The following PPP1R9A variants were observed in gnomAD, a reference collection of about 807,000 sequenced individuals.
PPP1R9A encodes the protein protein phosphatase 1 regulatory subunit 9A, also known as neurabin-1.
Under a neutral mutation model 141.9 loss-of-function variants are expected in PPP1R9A, and 59 were observed. That is an observed-to-expected ratio of 0.42 (90% CI 0.34 to 0.52). PPP1R9A has a LOEUF of 0.52. Among genes scored for constraint, PPP1R9A ranks in the 20% least tolerant of loss-of-function variants. PPP1R9A has a pLI of 0.10. For missense variants in PPP1R9A, 1,444 were observed against 1,611.9 expected (o/e 0.90, Z 1.78); for synonymous variants, 500 against 569.7 (o/e 0.88, Z 1.74).
In PPP1R9A at chr7:94,951,804, G is replaced by C. The variant is rs2151035048; in HGVS notation, c.1395+40296G>C. On this transcript the variant is annotated intron_variant, in intron 2 of 19. Coordinates refer to ENST00000433360, the MANE Select transcript of PPP1R9A (RefSeq NM_001166160.2). The stretch of plus-strand genomic sequence containing the variant: ...GTAATACTAGATTGGTTTGTTCTTT[G>C]AGTGCTTCATTCAGTTTCCTCTAAG... Among the ~76,000 whole-genome samples the C allele has an allele frequency of 2.0e-5, 3 of 150,634 alleles. No homozygotes were observed. In the East Asian group the frequency reaches 5.9e-4, roughly 30 times the overall value.
rs184253476 is a variant in PPP1R9A at position 94,966,711 on chromosome 7, G to C, written c.1395+55203G>C. Among the ~76,000 whole-genome samples, 16 of 152,280 alleles carry C rather than the reference G, an allele frequency of 1.1e-4. No individual in the cohort carries two copies. The East Asian group carries it at 3.1e-3, about 29-fold the overall frequency. On this transcript the variant is annotated intron_variant, in intron 2 of 19. Coordinates refer to ENST00000433360, the MANE Select transcript of PPP1R9A (RefSeq NM_001166160.2). Reference sequence around the variant, plus strand: ...GCTTTTTAATGTGCTGCTGGATTTGGTTTGCCAGTGTTTTATTGAGGATTT... The same window carrying C: ...GCTTTTTAATGTGCTGCTGGATTTGCTTTGCCAGTGTTTTATTGAGGATTT...
chr7:95,221,233 A>T (rs745881416), intron 7 of PPP1R9A, among the ~76,000 whole-genome samples: 1 of 152,130 alleles, frequency 6.6e-6, no homozygotes, highest in Non-Finnish European at 1.5e-5. Context: ...CATAGGCACC[A>T]TCTAACTTAA....
intron 8 of PPP1R9A, among the ~76,000 whole-genome samples, chr7:95,242,742 G>A (rs963850755): frequency 6.6e-6 from 1 of 152,126 alleles, no homozygotes; most frequent in African/African-American, 2.4e-5. Flanking sequence ...AGATGAAAAT[G>A]ATGGTCTTGT....
intron 2 of PPP1R9A, among the ~76,000 whole-genome samples, chr7:95,031,481 A>G (rs1391078105): frequency 1.3e-5 from 2 of 152,216 alleles, no homozygotes; most frequent in Non-Finnish European, 2.9e-5. Context: ...CTGGCTAGGC[A>G]CAGTGGCTAA....
chr7:95,260,945 A>T (rs1253239250), intron 12 of PPP1R9A, among the ~76,000 whole-genome samples: 1 of 152,176 alleles, frequency 6.6e-6, no homozygotes, highest in Non-Finnish European at 1.5e-5. Flanking sequence ...ATATGGTCTG[A>T]TTCACCATGA....
chr7:95,267,465 G>A (rs1801473067), intron 12 of PPP1R9A, among the ~76,000 whole-genome samples: 1 of 152,072 alleles, frequency 6.6e-6, no homozygotes, highest in African/African-American at 2.4e-5. Context: ...AGGAGTAGTA[G>A]CATTTCAAAT....
chr7:95,006,946 TCCACCTC>T (rs1803699646), intron 2 of PPP1R9A, among the ~76,000 whole-genome samples: 1 of 151,850 alleles, frequency 6.6e-6, no homozygotes, highest in Non-Finnish European at 1.5e-5. Flanking sequence ...CATCGCAACC[TCCACCTC>T]CCAGGTTCAA....
intron 16 of PPP1R9A, among the ~76,000 whole-genome samples, chr7:95,276,030 A>C (rs1186543328): frequency 6.6e-6 from 1 of 152,216 alleles, no homozygotes; most frequent in African/African-American, 2.4e-5. Context: ...TTTGTGTGTT[A>C]AAATTAAGAA....
chr7:95,249,220 C>G (rs1426763525), intron 9 of PPP1R9A, among the ~76,000 whole-genome samples: 1 of 152,054 alleles, frequency 6.6e-6, no homozygotes, highest in Admixed American at 6.6e-5. Context: ...AAAATTTATA[C>G]TTTTACTTAC....
At chr7:95,158,394 G>A (rs1585002152) in intron 4 of PPP1R9A, among the ~76,000 whole-genome samples, 1 of 152,262 alleles carries the variant, frequency 6.6e-6, no homozygotes, top group African/African-American at 2.4e-5. Context: ...GTGGCTCACA[G>A]CTGTGATCCT....
intron 7 of PPP1R9A, among the ~76,000 whole-genome samples, chr7:95,217,933 A>C (rs1793746802): frequency 2.0e-5 from 3 of 152,108 alleles, no homozygotes; most frequent in African/African-American, 7.2e-5. Context: ...TCCTGGATTC[A>C]CGGATTTTTT....
At chr7:95,262,124 T>C (rs978163276) in intron 12 of PPP1R9A, among the ~76,000 whole-genome samples, 1 of 152,186 alleles carries the variant, frequency 6.6e-6, no homozygotes, top group Non-Finnish European at 1.5e-5. Flanking sequence ...ACTGATTAGA[T>C]TCTTGTAGGC....
intron 2 of PPP1R9A, among the ~76,000 whole-genome samples, chr7:94,934,357 G>A (rs991547045): frequency 4.6e-5 from 7 of 152,092 alleles, no homozygotes; most frequent in Non-Finnish European, 2.9e-5. Context: ...TGAACATTTT[G>A]TCCTTTGTTT....
intron 6 of PPP1R9A, among the ~76,000 whole-genome samples, chr7:95,199,270 T>C (rs1035466088): frequency 6.6e-6 from 1 of 152,222 alleles, no homozygotes; most frequent in Admixed American, 6.5e-5. Flanking sequence ...GTGTTTCATA[T>C]TGGTGTGTCA....
intron 8 of PPP1R9A, among the ~76,000 whole-genome samples, chr7:95,233,091 T>A (rs1026502345): frequency 6.6e-6 from 1 of 152,182 alleles, no homozygotes; most frequent in Non-Finnish European, 1.5e-5. Context: ...GCAGCACTAT[T>A]CACAATAGCA....
chr7:95,092,332 T>G (rs1417707948), intron 2 of PPP1R9A, among the ~76,000 whole-genome samples: 1 of 148,516 alleles, frequency 6.7e-6, no homozygotes, highest in Non-Finnish European at 1.5e-5. Context: ...CTTGTCTGTA[T>G]CTTATACTAC....
chr7:95,242,841 T>C (rs931898517), intron 8 of PPP1R9A, among the ~76,000 whole-genome samples: 14 of 152,100 alleles, frequency 9.2e-5, no homozygotes, highest in African/African-American at 2.7e-4. Context: ...ACCTAGCTTC[T>C]CTGAAGCCCA....
At chr7:95,186,608 A>T (rs1331901456) in intron 5 of PPP1R9A, among the ~76,000 whole-genome samples, 1 of 152,036 alleles carries the variant, frequency 6.6e-6, no homozygotes, top group Non-Finnish European at 1.5e-5. Flanking sequence ...TCTCAGGAGG[A>T]ATGCTTTCAA....
chr7:95,161,525 A>G (rs1830464362), intron 4 of PPP1R9A, among the ~76,000 whole-genome samples: 2 of 152,230 alleles, frequency 1.3e-5, no homozygotes, highest in Admixed American at 6.5e-5. Context: ...GTATTTGCAT[A>G]TAACCTGTGC....
Sources: gnomAD v4.1 joint callset for allele counts (sites outside exome capture counted in the v4.1 genomes callset) on GRCh38, gnomAD v4.1.1 for gene constraint, MANE v1.5 for transcripts, NCBI Gene and HGNC (gene_info 2026-07-23, HGNC 2026-07-21) for gene names.